Variants in MDGA2 observed in about 807,000 individuals in gnomAD.
MDGA2 encodes the protein MAM domain containing glycosylphosphatidylinositol anchor 2.
In MDGA2, 40 loss-of-function variants were observed where a neutral mutation model predicts 117.8. The ratio of observed to expected loss-of-function variants is 0.34; its 90% CI spans 0.26 to 0.44. The LOEUF is 0.44. Among genes scored for constraint, MDGA2 ranks in the 20% least tolerant of loss-of-function variants. The probability of loss-of-function intolerance (pLI) is 1.00; values close to 1 mark genes in which losing one functional copy is unlikely to be tolerated. For missense variants in MDGA2, 1,123 were observed against 1,250.6 expected (o/e 0.90, Z 1.54); for synonymous variants, 452 against 439.0 (o/e 1.03, Z -0.37).
Position 47,386,109 on chromosome 14 carries a change from C to T in MDGA2, c.281-84559G>A, listed in dbSNP as rs142395339. On this transcript the variant is annotated intron_variant, in intron 1 of 16. Coordinates refer to ENST00000399232, the MANE Select transcript of MDGA2 (RefSeq NM_001113498.3). ...CCAGCCTGGCCAACATGGTGAAACACCGTCTCTACTAGAAATACAAAAATT... is the reference window on the plus strand; with the variant it reads ...CCAGCCTGGCCAACATGGTGAAACATCGTCTCTACTAGAAATACAAAAATT... Among the ~76,000 whole-genome samples, 448 of 152,062 alleles carry T rather than the reference C, an allele frequency of 2.9e-3. 5 individuals are homozygous for T. The highest frequency in any genetic ancestry group is 5.5e-3 in the Non-Finnish European group (371 of 67,976).
At chr14:47,507,080 G>C (rs1011545149) in intron 1 of MDGA2, among the ~76,000 whole-genome samples, 1 of 150,760 alleles carries the variant, frequency 6.6e-6, no homozygotes. Context: ...AGCACTTGTT[G>C]GCAGTTGAGC....
At chr14:47,363,542 G>C (rs940572504) in intron 1 of MDGA2, among the ~76,000 whole-genome samples, 1 of 152,098 alleles carries the variant, frequency 6.6e-6, no homozygotes, top group Non-Finnish European at 1.5e-5. Context: ...ACAGGAGTGA[G>C]TCACCATACC....
intron 9 of MDGA2, among the ~76,000 whole-genome samples, chr14:46,957,033 T>C (rs11157532): frequency 0.12 from 17,911 of 152,130 alleles, 2,004 homozygotes; most frequent in African/African-American, 0.27. Context: ...GTTTAGCTTG[T>C]AGAACTGAGT....
intron 1 of MDGA2, among the ~76,000 whole-genome samples, chr14:47,574,461 T>C (rs916431846): frequency 6.6e-6 from 1 of 152,196 alleles, no homozygotes; most frequent in Non-Finnish European, 1.5e-5. Context: ...CTGTATTTCT[T>C]AGTCCAGTTT....
At chr14:46,938,746 A>G (rs1884884605) in intron 9 of MDGA2, among the ~76,000 whole-genome samples, 1 of 152,076 alleles carries the variant, frequency 6.6e-6, no homozygotes, top group Non-Finnish European at 1.5e-5. Context: ...ATAGGATTCA[A>G]CAATCCCTCT....
At chr14:47,058,807 G>A (rs76121862) in intron 7 of MDGA2, 821 of 985,544 alleles carry the variant, frequency 8.3e-4, no homozygotes, top group Non-Finnish European at 9.7e-4. Flanking sequence ...ATCTTCTGTA[G>A]GCCTTCTATC....
intron 10 of MDGA2, among the ~76,000 whole-genome samples, chr14:46,886,959 C>T (rs909265906): frequency 2.6e-5 from 4 of 152,136 alleles, no homozygotes; most frequent in African/African-American, 9.6e-5. Context: ...TAAGTCTCAA[C>T]CATCAGCAAT....
Position 46,882,169 on chromosome 14 carries a change from T to C in MDGA2, c.2291A>G (p.Gln764Arg). 3 of 1,612,822 alleles carry C rather than the reference T, an allele frequency of 1.9e-6. No individual in the cohort carries two copies. The highest frequency in any genetic ancestry group is 2.5e-6 in the Non-Finnish European group (3 of 1,179,214). ...EQEIKINGNI[Q>R]KGELITYNLT... ...GTTATATGTAATTAATTCTCCCTTT[T>C]GAATATTCCCATTTATTTTAATCTC... The change falls in exon 11 of 17, where the codon CAA (glutamine) becomes CGA (arginine). Residue 764 changes from glutamine (Q) to arginine (R), a missense_variant. Transcript: ENST00000399232.
In MDGA2 at chr14:47,338,290, A is replaced by T. The variant is rs150791002; in HGVS notation, c.281-36740T>A. 9.0e-3 allele frequency among the ~76,000 whole-genome samples: 1,364 copies of T among 152,028 alleles called. 21 individuals carry two copies. Among genetic ancestry groups the T allele is most frequent in the African/African-American group, 0.031 (1,304 of 41,514 alleles). On this transcript the variant is annotated intron_variant, in intron 1 of 16. Coordinates refer to ENST00000399232, the MANE Select transcript of MDGA2 (RefSeq NM_001113498.3). ...TTATGGAAATCATTTTACTGTCTAGATAGGATATATTAAATATGTAGCCTC... is the reference window on the plus strand; with the variant it reads ...TTATGGAAATCATTTTACTGTCTAGTTAGGATATATTAAATATGTAGCCTC...
In MDGA2 at chr14:47,174,505, C is replaced by T. The variant is rs555768288; in HGVS notation, c.596-30231G>A. ...CAGGATTAAGAAACTCACTCAAAAC[C>T]GCTCAACAACATGGAAACTGAACAA... On this transcript the variant is annotated intron_variant, in intron 3 of 16. Transcript: ENST00000399232. 1.3e-4 allele frequency among the ~76,000 whole-genome samples: 20 copies of T among 152,174 alleles called. No homozygotes were observed. In the South Asian group the frequency reaches 2.3e-3, roughly 17 times the overall value.
At chr14:47,532,011 C>G (rs2138734528) in intron 1 of MDGA2, among the ~76,000 whole-genome samples, 1 of 152,232 alleles carries the variant, frequency 6.6e-6, no homozygotes, top group African/African-American at 2.4e-5. Flanking sequence ...CAGAAACCAC[C>G]ACATCTAGAT....
chr14:47,097,655 C>T (rs1225511839), intron 5 of MDGA2, among the ~76,000 whole-genome samples: 5 of 151,778 alleles, frequency 3.3e-5, no homozygotes, highest in African/African-American at 7.3e-5. Flanking sequence ...TTTTTGTTCT[C>T]GAAAGAAAAA....
intron 7 of MDGA2, among the ~76,000 whole-genome samples, chr14:47,051,759 T>A (rs553306556): frequency 6.6e-6 from 1 of 151,860 alleles, no homozygotes; most frequent in Non-Finnish European, 1.5e-5. Context: ...TAGAAGAAAA[T>A]GGTGATGAAA....
intron 3 of MDGA2, among the ~76,000 whole-genome samples, chr14:47,191,256 A>G (rs1380361110): frequency 6.6e-6 from 1 of 151,806 alleles, no homozygotes; most frequent in East Asian, 1.9e-4. Flanking sequence ...GAAACCTACC[A>G]TAATGTTCTT....
chr14:46,846,379 T>C (rs563642300), intron 15 of MDGA2, among the ~76,000 whole-genome samples: 2 of 152,254 alleles, frequency 1.3e-5, no homozygotes, highest in South Asian at 4.1e-4. Flanking sequence ...ATAGATTGAA[T>C]AGGTTCGTCA....
At chr14:47,148,978 A>T (rs1883057073) in intron 3 of MDGA2, among the ~76,000 whole-genome samples, 1 of 152,162 alleles carries the variant, frequency 6.6e-6, no homozygotes, top group Non-Finnish European at 1.5e-5. Flanking sequence ...GATATATTTG[A>T]ACAAGCCATT....
intron 10 of MDGA2, among the ~76,000 whole-genome samples, chr14:46,901,034 C>A (rs1404174694): frequency 6.6e-6 from 1 of 151,942 alleles, no homozygotes; most frequent in Non-Finnish European, 1.5e-5. Flanking sequence ...AAAAAAAACA[C>A]TGCTTATTGA....
intron 3 of MDGA2, among the ~76,000 whole-genome samples, chr14:47,208,726 T>C (rs963978788): frequency 6.6e-6 from 1 of 151,942 alleles, no homozygotes; most frequent in Admixed American, 6.6e-5. Flanking sequence ...GAATCCCACC[T>C]AGACAATGGA....
At chr14:47,423,416 G>T (rs979940472) in intron 1 of MDGA2, among the ~76,000 whole-genome samples, 1 of 152,048 alleles carries the variant, frequency 6.6e-6, no homozygotes, top group Non-Finnish European at 1.5e-5. Context: ...TGCTTTACGC[G>T]CACTGTTCAC....
Sources: allele counts gnomAD v4.1 joint callset (sites outside exome capture counted in the v4.1 genomes callset), GRCh38; gene constraint gnomAD v4.1.1; transcripts MANE v1.5; gene names NCBI Gene and HGNC (gene_info 2026-07-23, HGNC 2026-07-21).